Variants in VASN observed in about 807,000 individuals in gnomAD.
VASN encodes the protein vasorin, also known as protein slit-like 2.
In VASN, 5 loss-of-function variants were observed where a neutral mutation model predicts 4.8. The ratio of observed to expected loss-of-function variants is 1.03; its 90% CI spans 0.54 to 2.17. The LOEUF (loss-of-function observed/expected upper bound fraction) is 2.17. Among genes scored for constraint, VASN ranks in the 30% most tolerant of loss-of-function variants. The probability of loss-of-function intolerance (pLI) is 0.01; values close to 1 mark genes in which losing one functional copy is unlikely to be tolerated. For missense variants in VASN, 927 were observed against 948.8 expected (o/e 0.98, Z 0.30); for synonymous variants, 499 against 460.8 (o/e 1.08, Z -1.06).
Position 4,381,923 on chromosome 16 carries a change from G to A in VASN, c.1046G>A (p.Cys349Tyr). The change falls in exon 2 of 2, where the codon TGC becomes TAC. Residue 349 changes from cysteine (C) to tyrosine (Y), a missense_variant. Cys to Tyr is a radical substitution (Grantham distance 194). Transcript: ENST00000304735. The part of the protein sequence containing the change: ...LLELDYADFG[C>Y]PATTTTATVP... ...GAGCTTGACTACGCCGACTTTGGCT[G>A]CCCAGCCACCACCACCACAGCCACA... 1 of 1,606,334 alleles carries A rather than the reference G, an allele frequency of 6.2e-7. No homozygotes were observed.
At chr16:4,373,411 G>C (rs756599141) in intron 1 of VASN, among the ~76,000 whole-genome samples, 1 of 152,164 alleles carries the variant, frequency 6.6e-6, no homozygotes, top group African/African-American at 2.4e-5. Flanking sequence ...CTGTGGGTCC[G>C]GAGGGTCAGA....
intron 1 of VASN, among the ~76,000 whole-genome samples, chr16:4,376,830 C>T (rs1193880391): frequency 1.3e-5 from 2 of 152,196 alleles, no homozygotes; most frequent in Non-Finnish European, 2.9e-5. Context: ...CGCTCCCCAG[C>T]CCCCAGGGTG....
rs1451294054 is a variant in VASN at position 4,382,583 on chromosome 16, C to G, written c.1706C>G (p.Ala569Gly). 7.6e-6 allele frequency: 12 copies of G among 1,588,332 alleles called. 1 individual carries two copies. In the South Asian group the frequency reaches 1.4e-4, roughly 18 times the overall value. Residue 569 changes from alanine to glycine, a missense_variant, in exon 2 of 2, where the codon GCC (alanine) becomes GGC (glycine). Ala to Gly is a moderately conservative substitution (Grantham distance 60). Transcript: ENST00000304735. ...TCCAACCACGCCCCAGTCACCCAGG[C>G]CCGCGAGGGCAACCTGCCGCTCCTC... ...VHSNHAPVTQ[A>G]REGNLPLLIA...
Position 4,383,174 on chromosome 16 carries a change from G to T in VASN, c.*275G>T. On this transcript the variant is annotated 3_prime_UTR_variant, in exon 2 of 2. Transcript: ENST00000304735. ...CCGCAACGTGCAGTCCCTGGGCACG[G>T]CGGGCCCTGCCATGTGCTGGTAACG... The T allele has an allele frequency of 2.4e-6, 1 of 416,090 alleles. No individual in the cohort carries two copies. The highest frequency in any genetic ancestry group is 4.4e-6 in the Non-Finnish European group (1 of 227,994). The allele number at this position is 416,090 out of a possible 1,614,324, so 25.8% of individuals were successfully genotyped here.
At chr16:4,379,572 C>A (rs1168568893) in intron 1 of VASN, among the ~76,000 whole-genome samples, 1 of 152,178 alleles carries the variant, frequency 6.6e-6, no homozygotes, top group African/African-American at 2.4e-5. Flanking sequence ...ATGAGCCCTG[C>A]TTTCTTCTGT....
chr16:4,380,816 C>T, intron 1 of VASN, 53 bp from the exon 2 acceptor site: 1 of 1,424,220 alleles, frequency 7.0e-7, no homozygotes, highest in Non-Finnish European at 9.2e-7. Context: ...GCGTGTCTGC[C>T]TTCTAGGCCC....
intron 1 of VASN, among the ~76,000 whole-genome samples, chr16:4,373,662 C>G (rs1433250551): frequency 6.6e-6 from 1 of 152,192 alleles, no homozygotes; most frequent in Non-Finnish European, 1.5e-5. Context: ...GTCACCCCCA[C>G]TGACAGCCCC....
intron 1 of VASN, among the ~76,000 whole-genome samples, chr16:4,373,856 G>C (rs1031500689): frequency 4.6e-5 from 7 of 152,086 alleles, no homozygotes; most frequent in African/African-American, 1.7e-4. Context: ...GGTGTGTAGA[G>C]GGGAGGCTGC....
chr16:4,382,025 C>A lies in VASN; in HGVS notation c.1148C>A (p.Thr383Lys). ...TTGGCTCCTACCTGGCTTAGCCCCACAGAGCCGGCCACTGAGGCCCCCAGC... is the reference window on the plus strand; with the variant it reads ...TTGGCTCCTACCTGGCTTAGCCCCAAAGAGCCGGCCACTGAGGCCCCCAGC... ...SSLAPTWLSPTEPATEAPSPP... is the reference protein window; with the variant it reads ...SSLAPTWLSPKEPATEAPSPP... The change falls in exon 2 of 2, where the codon ACA (threonine) becomes AAA (lysine). Residue 383 changes from threonine to lysine, a missense_variant. Transcript: ENST00000304735. 1 of 1,601,440 alleles carries A rather than the reference C, an allele frequency of 6.2e-7. No homozygotes were observed. The highest frequency in any genetic ancestry group is 8.5e-7 in the Non-Finnish European group (1 of 1,175,852).
Position 4,382,778 on chromosome 16 carries a change from G to T in VASN, c.1901G>T (p.Gly634Val). 3 of 1,574,730 alleles carry T rather than the reference G, an allele frequency of 1.9e-6. No individual in the cohort carries two copies. The highest frequency in any genetic ancestry group is 1.8e-5 in the Admixed American group (1 of 54,608). Residue 634 changes from glycine (G) to valine (V), a missense_variant, in exon 2 of 2, where the codon GGC (glycine) becomes GTC (valine). Physicochemically the swap from Gly to Val is moderately radical, Grantham distance 109. Coordinates refer to ENST00000304735, the MANE Select transcript of VASN (RefSeq NM_138440.3). The part of the protein sequence containing the change: ...LEGVKVPLEP[G>V]PKATEGGGEA... ...GGAGTGAAGGTCCCCTTGGAGCCAG[G>T]CCCGAAGGCAACAGAGGGCGGTGGA...
In VASN at chr16:4,381,339, G is replaced by A. The variant is rs2054952338; in HGVS notation, c.462G>A (p.Lys154=). 3 of 1,608,654 alleles carry A rather than the reference G, an allele frequency of 1.9e-6. No homozygotes were observed. Among genetic ancestry groups the A allele is most frequent in the Non-Finnish European group, 2.5e-6 (3 of 1,178,304 alleles). ...FDTLDRLLEL[K]LQDNELRALP... ...CGCTCGACCGCCTCCTGGAGCTCAA[G>A]CTGCAGGACAACGAGCTGCGGGCAC... The change falls in exon 2 of 2, where the codon AAG becomes AAA. Residue 154 remains lysine, a synonymous_variant. Coordinates refer to ENST00000304735, the MANE Select transcript of VASN (RefSeq NM_138440.3).
intron 1 of VASN, among the ~76,000 whole-genome samples, chr16:4,377,970 C>T (rs753859057): frequency 1.3e-5 from 2 of 152,186 alleles, no homozygotes; most frequent in Non-Finnish European, 2.9e-5. Flanking sequence ...GAAAGCCACC[C>T]TGTGGCCAGA....
At chr16:4,373,656 C>G (rs534422471) in intron 1 of VASN, among the ~76,000 whole-genome samples, 44 of 152,176 alleles carry the variant, frequency 2.9e-4, no homozygotes, top group Admixed American at 5.2e-4. Context: ...ATTACTGTCA[C>G]CCCCACTGAC....
chr16:4,379,206 C>T (rs906986224), intron 1 of VASN, among the ~76,000 whole-genome samples: 3 of 152,102 alleles, frequency 2.0e-5, no homozygotes, highest in African/African-American at 4.8e-5. Flanking sequence ...AGGGGAAGCC[C>T]GGACTCCAGC....
intron 1 of VASN, among the ~76,000 whole-genome samples, chr16:4,380,421 C>T (rs551443666): frequency 6.7e-4 from 102 of 152,374 alleles, no homozygotes; most frequent in African/African-American, 2.0e-3. Context: ...CAGCAGGAGC[C>T]GGCGGCCAAG....
At position 4,381,073 on chromosome 16, in the gene VASN, A is replaced by G; in HGVS notation, c.196A>G (p.Met66Val). 1 of 1,610,096 alleles carries G rather than the reference A, an allele frequency of 6.2e-7. No homozygotes were observed. The highest frequency in any genetic ancestry group is 1.1e-5 in the South Asian group (1 of 90,644). Residue 66 changes from methionine (M) to valine (V), a missense_variant, in exon 2 of 2, where the codon ATG becomes GTG. Coordinates refer to ENST00000304735, the MANE Select transcript of VASN (RefSeq NM_138440.3). The part of the protein sequence containing the change: ...GLYVFENGIT[M>V]LDAGSFAGLP... ...GTACGTCTTTGAGAACGGCATCACC[A>G]TGCTCGACGCAGGCAGCTTTGCCGG... is the stretch of plus-strand genomic sequence containing the variant.
chr16:4,372,338 G>T (rs2054565462), intron 1 of VASN, among the ~76,000 whole-genome samples: 1 of 152,246 alleles, frequency 6.6e-6, no homozygotes, highest in Non-Finnish European at 1.5e-5. Context: ...CCCCTTTGAG[G>T]GGGATAGCCA....
rs765567874 is a variant in VASN at position 4,382,232 on chromosome 16, G to T, written c.1355G>T (p.Ser452Ile). The change falls in exon 2 of 2, where the codon AGC (serine) becomes ATC (isoleucine). Residue 452 changes from serine (S) to isoleucine (I), a missense_variant. Physicochemically the swap from Ser to Ile is moderately radical, Grantham distance 142. Transcript: ENST00000304735. ...ESQMGQGTRP[S>I]PTPVTPRPPR... Reference sequence around the variant, plus strand: ...CAGATGGGGCAGGGGACACGGCCCAGCCCTACACCAGTCACGCCGAGGCCA... The same window carrying T: ...CAGATGGGGCAGGGGACACGGCCCATCCCTACACCAGTCACGCCGAGGCCA... The T allele has an allele frequency of 6.2e-7, 1 of 1,606,638 alleles. No individual in the cohort carries two copies. Among genetic ancestry groups the T allele is most frequent in the Non-Finnish European group, 8.5e-7 (1 of 1,178,152 alleles).
rs1206012424 is a variant in VASN at position 4,381,624 on chromosome 16, C to T, written c.747C>T (p.Asn249=). 2.5e-6 allele frequency: 4 copies of T among 1,598,508 alleles called. No homozygotes were observed. Among genetic ancestry groups the T allele is most frequent in the African/African-American group, 2.7e-5 (2 of 74,630 alleles). Residue 249 remains asparagine (N), a synonymous_variant, in exon 2 of 2, where the codon AAC becomes AAT. Transcript: ENST00000304735. ...RGLTRLRLAG[N]TRIAQLRPED... is the part of the protein sequence containing the mutation. ...TGACGCGCCTGCGGCTGGCCGGCAACACCCGCATTGCCCAGCTGCGGCCCG... is the reference window on the plus strand; with the variant it reads ...TGACGCGCCTGCGGCTGGCCGGCAATACCCGCATTGCCCAGCTGCGGCCCG...
Sources: allele counts gnomAD v4.1 joint callset (sites outside exome capture counted in the v4.1 genomes callset), GRCh38; gene constraint gnomAD v4.1.1; transcripts MANE v1.5; gene names NCBI Gene and HGNC (gene_info 2026-07-23, HGNC 2026-07-21).